PDZRN4: variants seen among roughly 807,000 people sequenced by gnomAD.
PDZRN4 encodes the protein PDZ domain containing ring finger 4.
PDZRN4 carries 70 observed loss-of-function variants against 99.0 expected under a neutral mutation model. The observed-to-expected ratio is 0.71, with a 90% CI of 0.58 to 0.86. The LOEUF (loss-of-function observed/expected upper bound fraction) is 0.86. Among genes scored for constraint, PDZRN4 ranks in the 40% least tolerant of loss-of-function variants. The pLI is 0.00. For missense variants in PDZRN4, 1,474 were observed against 1,331.2 expected (o/e 1.11, Z -1.67); for synonymous variants, 551 against 501.6 (o/e 1.10, Z -1.32).
intron 3 of PDZRN4, among the ~76,000 whole-genome samples, chr12:41,408,966 A>G (rs1260062920): frequency 6.6e-6 from 1 of 151,910 alleles, no homozygotes; most frequent in East Asian, 1.9e-4. Flanking sequence ...CTTTAAAAAC[A>G]TCTACACATT....
At chr12:41,460,192 C>T (rs1952857829) in intron 3 of PDZRN4, 1 of 719,810 alleles carries the variant, frequency 1.4e-6, no homozygotes, top group Non-Finnish European at 1.9e-6. Context: ...GAGTTTATTC[C>T]TATATTGAAT....
intron 3 of PDZRN4, among the ~76,000 whole-genome samples, chr12:41,366,119 G>C (rs1951998512): frequency 6.6e-6 from 1 of 152,100 alleles, no homozygotes; most frequent in Non-Finnish European, 1.5e-5. Flanking sequence ...CATTCAAACT[G>C]CAAGTGTCCT....
At chr12:41,461,458 C>T (rs1417728547) in intron 3 of PDZRN4, among the ~76,000 whole-genome samples, 1 of 152,098 alleles carries the variant, frequency 6.6e-6, no homozygotes, top group Non-Finnish European at 1.5e-5. Flanking sequence ...ATTTGGTTTT[C>T]TATTCCTGTG....
At chr12:41,541,597 G>C (rs1370718679) in intron 5 of PDZRN4, among the ~76,000 whole-genome samples, 3 of 151,636 alleles carry the variant, frequency 2.0e-5, no homozygotes, top group Non-Finnish European at 2.9e-5. Context: ...GGGACTACAG[G>C]CACCCACCAC....
At chr12:41,425,310 T>C (rs1952526092) in intron 3 of PDZRN4, among the ~76,000 whole-genome samples, 1 of 151,200 alleles carries the variant, frequency 6.6e-6, no homozygotes, top group Admixed American at 6.6e-5. Flanking sequence ...GAAGGTAACC[T>C]AGAAGCTGGG....
chr12:41,285,277 C>A (rs1346365522), intron 3 of PDZRN4, among the ~76,000 whole-genome samples: 1 of 151,992 alleles, frequency 6.6e-6, no homozygotes, highest in Non-Finnish European at 1.5e-5. Context: ...CTGGTCATTA[C>A]AGAAATGCAA....
chr12:41,326,311 A>G (rs1457081243), intron 3 of PDZRN4, among the ~76,000 whole-genome samples: 1 of 152,078 alleles, frequency 6.6e-6, no homozygotes, highest in Non-Finnish European at 1.5e-5. Context: ...ACCGGTAGCA[A>G]TGCACTTACA....
chr12:41,209,379 G>C (rs151333608), intron 3 of PDZRN4, among the ~76,000 whole-genome samples: 2,584 of 151,080 alleles, frequency 0.017, 50 homozygotes, highest in African/African-American at 0.047. Flanking sequence ...AAGTCTTAGG[G>C]TACCTGTGCA....
chr12:41,373,046 T>C (rs2121084200), intron 3 of PDZRN4, among the ~76,000 whole-genome samples: 1 of 152,258 alleles, frequency 6.6e-6, no homozygotes, highest in South Asian at 2.1e-4. Flanking sequence ...GGTTCCGTGA[T>C]GCCCCCCAAG....
chr12:41,480,503 C>T (rs567796757), intron 3 of PDZRN4, among the ~76,000 whole-genome samples: 5 of 152,106 alleles, frequency 3.3e-5, no homozygotes, highest in African/African-American at 1.2e-4. Flanking sequence ...ATAAAGCTAA[C>T]AGTAGTGGGT....
At chr12:41,223,658 A>G (rs1162211509) in intron 3 of PDZRN4, among the ~76,000 whole-genome samples, 1 of 152,168 alleles carries the variant, frequency 6.6e-6, no homozygotes, top group African/African-American at 2.4e-5. Flanking sequence ...TGAAGTGGTC[A>G]CTTAGGACAG....
intron 8 of PDZRN4, among the ~76,000 whole-genome samples, chr12:41,564,744 C>G (rs1021893758): frequency 2.6e-5 from 4 of 152,088 alleles, no homozygotes; most frequent in African/African-American, 9.7e-5. Flanking sequence ...CACAAAACCC[C>G]CACACTGCCT....
intron 3 of PDZRN4, among the ~76,000 whole-genome samples, chr12:41,239,766 G>A (rs1300885708): frequency 6.6e-6 from 1 of 152,176 alleles, no homozygotes; most frequent in African/African-American, 2.4e-5. Context: ...TCACTGGGAA[G>A]CATATATACC....
chr12:41,266,571 A>G (rs889958734), intron 3 of PDZRN4, among the ~76,000 whole-genome samples: 1 of 152,226 alleles, frequency 6.6e-6, no homozygotes, highest in Admixed American at 6.5e-5. Context: ...AGGAAAAGAT[A>G]CTTTAAGAAA....
At chr12:41,564,236 G>T (rs1427010785) in intron 8 of PDZRN4, among the ~76,000 whole-genome samples, 1 of 152,160 alleles carries the variant, frequency 6.6e-6, no homozygotes, top group East Asian at 1.9e-4. Context: ...TATAGTAAAT[G>T]AATTGTTTCC....
rs113127330 is a variant in PDZRN4 at position 41,429,496 on chromosome 12, T to C, written c.844-76960T>C. 7.4e-3 allele frequency among the ~76,000 whole-genome samples: 1,128 copies of C among 152,300 alleles called. 17 individuals carry two copies. Among genetic ancestry groups the C allele is most frequent in the African/African-American group, 0.025 (1,027 of 41,558 alleles). On this transcript the variant is annotated intron_variant, in intron 3 of 9. Transcript: ENST00000402685. ...TCCAGTCCTTGGGGAAATCCTTACA[T>C]CTCAGTGTGCTGTGAGCATCACCAG...
intron 3 of PDZRN4, among the ~76,000 whole-genome samples, chr12:41,270,601 T>G (rs1423551555): frequency 6.6e-6 from 1 of 152,152 alleles, no homozygotes; most frequent in African/African-American, 2.4e-5. Flanking sequence ...TATTCCATCT[T>G]ATCTTCACTG....
At chr12:41,287,572 A>G (rs1346421516) in intron 3 of PDZRN4, among the ~76,000 whole-genome samples, 1 of 152,240 alleles carries the variant, frequency 6.6e-6, no homozygotes, top group Non-Finnish European at 1.5e-5. Flanking sequence ...TGCAAACTGC[A>G]GAGGAAGTCA....
intron 3 of PDZRN4, among the ~76,000 whole-genome samples, chr12:41,424,140 G>A (rs2120417194): frequency 6.6e-6 from 1 of 152,250 alleles, no homozygotes; most frequent in Non-Finnish European, 1.5e-5. Flanking sequence ...AATATTTATT[G>A]CTTGATAAGG....
Sources: allele counts gnomAD v4.1 joint callset (sites outside exome capture counted in the v4.1 genomes callset), GRCh38; gene constraint gnomAD v4.1.1; transcripts MANE v1.5; gene names NCBI Gene and HGNC (gene_info 2026-07-23, HGNC 2026-07-21).